The following COMMD1 variants were observed in gnomAD, a reference collection of about 807,000 sequenced individuals.
The protein encoded by COMMD1 is COMM domain-containing protein 1.
Under a neutral mutation model 17.2 loss-of-function variants are expected in COMMD1, and 10 were observed. The observed-to-expected ratio is 0.58, with a 90% confidence interval of 0.36 to 0.99. The LOEUF (loss-of-function observed/expected upper bound fraction) is 0.99, where lower values mean the gene tolerates loss of function less well. COMMD1 is among the 50% of genes least tolerant of loss of function. COMMD1 has a pLI of 0.01. For synonymous variants in COMMD1, 97 were observed against 91.6 expected, an observed-to-expected ratio of 1.06 and a Z score of -0.34; for missense variants, 270 against 231.8, an observed-to-expected ratio of 1.17 and a Z score of -1.07.
At chr2:62,002,196 A>T (rs532127495) in intron 2 of COMMD1, among the ~76,000 whole-genome samples, 1 of 150,782 alleles carries the variant, frequency 6.6e-6, no homozygotes, top group African/African-American at 2.4e-5. Flanking sequence ...TTTAAATAAT[A>T]AAAGATAATT....
chr2:61,928,705 G>T (rs551744120), intron 1 of COMMD1: 30 of 152,238 alleles, frequency 2.0e-4, no homozygotes, highest in African/African-American at 7.0e-4. Context: ...AACCAGCCTT[G>T]AATATTTTTT....
intron 2 of COMMD1, among the ~76,000 whole-genome samples, chr2:62,111,990 G>A (rs926721887): frequency 4.6e-5 from 7 of 152,294 alleles, no homozygotes; most frequent in East Asian, 1.9e-4. Context: ...AGAAGTCTAC[G>A]TGGTAAGTTC....
chr2:62,068,949 A>G (rs951952049), intron 2 of COMMD1, among the ~76,000 whole-genome samples: 7 of 151,920 alleles, frequency 4.6e-5, no homozygotes, highest in African/African-American at 1.7e-4. Flanking sequence ...CAGTGGTATT[A>G]TAATCTTAAG....
intron 2 of COMMD1, among the ~76,000 whole-genome samples, chr2:62,013,589 G>GATATAGACGGCA (rs1209071054): frequency 6.6e-6 from 1 of 152,228 alleles, no homozygotes; most frequent in Admixed American, 6.5e-5. Flanking sequence ...AGTGGTCCAG[G>GATATAGACGGCA]TGAGATAACG....
intron 2 of COMMD1, among the ~76,000 whole-genome samples, chr2:62,016,225 T>TC (rs1294350370): frequency 1.4e-5 from 2 of 147,646 alleles, no homozygotes; most frequent in Non-Finnish European, 3.0e-5. Flanking sequence ...TTTTTTTTTT[T>TC]CGAGACAGGG....
At chr2:62,120,919 G>GT (rs907004840) in intron 2 of COMMD1, among the ~76,000 whole-genome samples, 1 of 151,542 alleles carries the variant, frequency 6.6e-6, no homozygotes, top group Non-Finnish European at 1.5e-5. Flanking sequence ...TTTTCTTTTT[G>GT]TTTTTTTAGA....
intron 2 of COMMD1, among the ~76,000 whole-genome samples, chr2:62,097,799 C>T (rs375805740): frequency 1.3e-5 from 2 of 152,106 alleles, no homozygotes; most frequent in South Asian, 2.1e-4. Context: ...GACAGTATAG[C>T]GCTGGTGTCG....
intron 2 of COMMD1, among the ~76,000 whole-genome samples, chr2:62,103,269 C>T (rs1013858707): frequency 4.6e-5 from 7 of 152,218 alleles, no homozygotes; most frequent in Admixed American, 1.3e-4. Context: ...AGCCACTGCG[C>T]CCGGCCTCCA....
At chr2:61,925,293 A>G (rs959527584) in intron 1 of COMMD1, among the ~76,000 whole-genome samples, 4 of 152,042 alleles carry the variant, frequency 2.6e-5, no homozygotes, top group Non-Finnish European at 4.4e-5. Context: ...GACGAGAGGG[A>G]GACCTGAGGT....
At chr2:62,032,408 C>T (rs532709169) in intron 2 of COMMD1, among the ~76,000 whole-genome samples, 75 of 152,266 alleles carry the variant, frequency 4.9e-4, no homozygotes, top group African/African-American at 1.7e-3. Flanking sequence ...TGGTGGCATG[C>T]GCCTGTAATC....
chr2:61,962,778 A>T (rs1466953102), intron 1 of COMMD1, among the ~76,000 whole-genome samples: 2 of 152,170 alleles, frequency 1.3e-5, no homozygotes, highest in African/African-American at 4.8e-5. Context: ...GAAAGGCTGC[A>T]GAAGCTTCAC....
chr2:62,128,039 A>T (rs1380519566), intron 2 of COMMD1, among the ~76,000 whole-genome samples: 1 of 136,314 alleles, frequency 7.3e-6, no homozygotes, highest in African/African-American at 2.9e-5. Context: ...AAAAAAAAAA[A>T]GGATGAGGTT....
chr2:62,040,674 A>G (rs1670164162), intron 2 of COMMD1, among the ~76,000 whole-genome samples: 1 of 152,106 alleles, frequency 6.6e-6, no homozygotes, highest in Admixed American at 6.5e-5. Context: ...TGGTTGTGTC[A>G]TAGTCTTTAG....
In COMMD1 at chr2:62,099,226, C is replaced by A. The variant is rs1000229567; in HGVS notation, c.463-36605C>A. On this transcript the variant is annotated intron_variant, in intron 2 of 2. Coordinates refer to ENST00000311832, the MANE Select transcript of COMMD1 (RefSeq NM_152516.4). ...GGAGCCTTCCTGATTTTAGAAGTGG[C>A]GAGACAGTTTCAAAATTTTTTTTAA... Among the ~76,000 whole-genome samples the A allele has an allele frequency of 3.5e-4, 53 of 152,164 alleles. No homozygotes were observed. In the Middle Eastern group the frequency reaches 0.027, roughly 78 times the overall value.
At chr2:61,978,113 T>C (rs954595371) in intron 1 of COMMD1, among the ~76,000 whole-genome samples, 5 of 152,138 alleles carry the variant, frequency 3.3e-5, no homozygotes, top group South Asian at 4.2e-4. Context: ...CTGTGAAACA[T>C]AGTGAAACCC....
chr2:61,905,841 A>G lies in COMMD1; in HGVS notation c.163A>G (p.Met55Val). 1 of 1,614,148 alleles carries G rather than the reference A, an allele frequency of 6.2e-7. No homozygotes were observed. Among genetic ancestry groups the G allele is most frequent in the Non-Finnish European group, 8.5e-7 (1 of 1,180,030 alleles). The change falls in exon 1 of 3, where the codon ATG becomes GTG. Residue 55 changes from methionine (M) to valine (V), a missense_variant. Coordinates refer to ENST00000311832, the MANE Select transcript of COMMD1 (RefSeq NM_152516.4). ...PEEFRPFLAK[M>V]RGILKSIASA... ...GGAGTTCCGCCCCTTTCTGGCAAAG[A>G]TGAGGGGGATTCTTAAGGTACTGCT...
At chr2:61,904,628 A>G (rs1044292444), upstream of COMMD1, among the ~76,000 whole-genome samples, 3 of 152,354 alleles carry the variant, frequency 2.0e-5, no homozygotes, top group African/African-American at 7.2e-5. Flanking sequence ...CCAAACACAC[A>G]TATTATATTA....
chr2:61,890,509 C>G (rs1486256587), intron 1 of COMMD1, among the ~76,000 whole-genome samples: 1 of 152,006 alleles, frequency 6.6e-6, no homozygotes, highest in Non-Finnish European at 1.5e-5. Flanking sequence ...TTGGCGAGAG[C>G]CACCTCGCCA....
intron 2 of COMMD1, among the ~76,000 whole-genome samples, chr2:62,087,313 C>G (rs1329286308): frequency 6.6e-6 from 1 of 152,134 alleles, no homozygotes; most frequent in South Asian, 2.1e-4. Context: ...CAGGATTTAT[C>G]AAAGAAAGAC....
Sources: gnomAD v4.1 joint callset for allele counts (sites outside exome capture counted in the v4.1 genomes callset) on GRCh38, gnomAD v4.1.1 for gene constraint, MANE v1.5 for transcripts, NCBI Gene and HGNC (gene_info 2026-07-23, HGNC 2026-07-21) for gene names.